Variants in PPIH observed in about 807,000 individuals in gnomAD.
PPIH encodes peptidylprolyl isomerase H.
PPIH carries 16 observed loss-of-function variants against 27.6 expected under a neutral mutation model. The ratio of observed to expected loss-of-function variants is 0.58; its 90% confidence interval spans 0.39 to 0.88. The LOEUF (loss-of-function observed/expected upper bound fraction) is 0.88, where lower values mean the gene tolerates loss of function less well. Ranked by LOEUF, PPIH falls within the 40% of genes least tolerant of loss-of-function variation. The pLI, the probability that PPIH is intolerant of heterozygous loss-of-function variation, is 0.00. For synonymous variants in PPIH, 63 were observed against 76.1 expected, an observed-to-expected ratio of 0.83 and a Z score of 0.90; for missense variants, 155 against 224.1, an observed-to-expected ratio of 0.69 and a Z score of 1.97.
At chr1:42,668,930 C>T (rs1029796953) in intron 9 of PPIH, among the ~76,000 whole-genome samples, 1 of 151,878 alleles carries the variant, frequency 6.6e-6, no homozygotes, top group Admixed American at 6.6e-5. Context: ...GAAAACAGCC[C>T]GGCAGGAGGT....
intron 9 of PPIH, among the ~76,000 whole-genome samples, chr1:42,669,225 G>T (rs189310071): frequency 1.3e-5 from 2 of 149,486 alleles, no homozygotes; most frequent in South Asian, 2.1e-4. Context: ...AAGAAAAACC[G>T]AAACTGCAGT....
downstream of PPIH, among the ~76,000 whole-genome samples, chr1:42,677,905 C>A (rs2148731302): frequency 6.6e-6 from 1 of 152,324 alleles, no homozygotes; most frequent in Non-Finnish European, 1.5e-5. Context: ...TATTTGCTTT[C>A]TTCTGTCTTG....
chr1:42,667,288 AG>A (rs1223647040), intron 8 of PPIH, 62 bp from the exon 9 acceptor site: 1 of 1,459,544 alleles, frequency 6.9e-7, no homozygotes, highest in Non-Finnish European at 9.6e-7. Context: ...CATCAGTAAA[AG>A]TTTGATAAGG....
chr1:42,667,328 C>A (rs749595544), intron 8 of PPIH, 23 bp from the exon 9 acceptor site: 28 of 1,568,092 alleles, frequency 1.8e-5, no homozygotes, highest in Non-Finnish European at 2.5e-5. Flanking sequence ...GTGGATGAAT[C>A]TCCATTGTGC....
At chr1:42,667,478 C>A in intron 9 of PPIH, 38 bp downstream of exon 9, 2 of 1,501,412 alleles carry the variant, frequency 1.3e-6, no homozygotes, top group Non-Finnish European at 1.8e-6. Context: ...AGGAATCAGA[C>A]CTCAGAGAAG....
intron 5 of PPIH, among the ~76,000 whole-genome samples, chr1:42,663,489 C>G (rs762686842): frequency 1.3e-5 from 2 of 151,992 alleles, no homozygotes; most frequent in African/African-American, 4.8e-5. Context: ...CTCCACCTCC[C>G]GGGTGGGTTC....
intron 6 of PPIH, among the ~76,000 whole-genome samples, chr1:42,665,426 A>G (rs1249233822): frequency 6.6e-6 from 1 of 152,128 alleles, no homozygotes; most frequent in Non-Finnish European, 1.5e-5. Context: ...AAAGAAAGAA[A>G]AGAAAACCAG....
chr1:42,658,808 G>A (rs763400193), intron 1 of PPIH, 36 bp from the exon 2 acceptor site: 1 of 1,611,204 alleles, frequency 6.2e-7, no homozygotes, highest in Non-Finnish European at 8.5e-7. Flanking sequence ...TCATGGTCTT[G>A]GACTGGGCCT....
chr1:42,659,651 G>A (rs1648893275), intron 4 of PPIH, 85 bp downstream of exon 4: 3 of 1,522,252 alleles, frequency 2.0e-6, no homozygotes, highest in South Asian at 2.5e-5. Flanking sequence ...AAAACCAGAG[G>A]GTAATTCTTA....
chr1:42,674,992 G>A (rs1649814277), intron 9 of PPIH, among the ~76,000 whole-genome samples: 2 of 152,218 alleles, frequency 1.3e-5, no homozygotes, highest in Non-Finnish European at 2.9e-5. Context: ...ATACTATACA[G>A]CCTTAACAAA....
At chr1:42,679,963 G>A (rs1649980623), downstream of PPIH, among the ~76,000 whole-genome samples, 2 of 152,274 alleles carry the variant, frequency 1.3e-5, no homozygotes, top group South Asian at 2.1e-4. Flanking sequence ...ACACCATGTC[G>A]CTCATTTAAC....
At chr1:42,667,511 A>C (rs1649406839) in intron 9 of PPIH, 71 bp downstream of exon 9, 2 of 1,322,738 alleles carry the variant, frequency 1.5e-6, no homozygotes, top group Admixed American at 3.9e-5. Context: ...AGTGGAAAGA[A>C]CTTTAGTCTT....
chr1:42,671,097 AT>A (rs993386611), intron 9 of PPIH, among the ~76,000 whole-genome samples: 70 of 147,466 alleles, frequency 4.7e-4, no homozygotes, highest in African/African-American at 8.7e-4. Flanking sequence ...TTCCCAGCCT[AT>A]TTTTTTTTTA....
At chr1:42,662,891 T>G (rs1268688911) in intron 5 of PPIH, among the ~76,000 whole-genome samples, 1 of 152,212 alleles carries the variant, frequency 6.6e-6, no homozygotes, top group African/African-American at 2.4e-5. Context: ...TTTTTTGTAC[T>G]TCATAATTGT....
At chr1:42,674,338 AG>A (rs1259417596) in intron 9 of PPIH, among the ~76,000 whole-genome samples, 1 of 152,270 alleles carries the variant, frequency 6.6e-6, no homozygotes. Context: ...TCACAAAGGC[AG>A]GAAACAGCAG....
chr1:42,659,122 C>T, intron 2 of PPIH, 106 bp from the exon 3 acceptor site: 1 of 1,540,640 alleles, frequency 6.5e-7, no homozygotes, highest in Non-Finnish European at 8.9e-7. Flanking sequence ...TCTGGCTGGC[C>T]GATTGGTGGA....
At chr1:42,659,385 G>T (rs1316771926) in intron 3 of PPIH, 134 bp downstream of exon 3, 2 of 1,614,144 alleles carry the variant, frequency 1.2e-6, no homozygotes, top group Non-Finnish European at 1.7e-6. Context: ...TGCCCCAAGG[G>T]TCTGTCCCTA....
intron 9 of PPIH, among the ~76,000 whole-genome samples, chr1:42,668,295 ATTTG>A (rs953814279): frequency 2.6e-5 from 4 of 151,644 alleles, no homozygotes; most frequent in African/African-American, 9.7e-5. Flanking sequence ...TTGCCTTGAC[ATTTG>A]TTTTTTTCTT....
Position 42,666,588 on chromosome 1 carries a change from G to T in PPIH, c.465+1G>T. 6.2e-7 allele frequency: 1 copy of T among 1,613,566 alleles called. No homozygotes were observed. The highest frequency in any genetic ancestry group is 2.2e-5 in the East Asian group (1 of 44,878). Reference sequence around the variant, plus strand: ...ACTTCTAGTGATGAGAAAGATTGAGGTAAGTACTGCTTTGATTTTTCTGTT... The same window carrying T: ...ACTTCTAGTGATGAGAAAGATTGAGTTAAGTACTGCTTTGATTTTTCTGTT... On this transcript the variant is annotated splice_donor_variant, in intron 8 of 9. Coordinates refer to ENST00000304979, the MANE Select transcript of PPIH (RefSeq NM_006347.4). LOFTEE classifies it high-confidence loss of function.
Sources: allele counts gnomAD v4.1 joint callset (sites outside exome capture counted in the v4.1 genomes callset), GRCh38; gene constraint gnomAD v4.1.1; transcripts MANE v1.5; gene names NCBI Gene and HGNC (gene_info 2026-07-23, HGNC 2026-07-21).